Variants in FKBP5 observed in about 807,000 individuals in gnomAD.
FKBP5 encodes the protein FKBP prolyl isomerase 5, also known as peptidyl-prolyl cis-trans isomerase FKBP5.
FKBP5 carries 23 observed loss-of-function variants against 50.5 expected under a neutral mutation model. The ratio of observed to expected loss-of-function variants is 0.46; its 90% CI spans 0.33 to 0.65. The LOEUF (loss-of-function observed/expected upper bound fraction) is 0.65. Among genes scored for constraint, FKBP5 ranks in the 30% least tolerant of loss-of-function variants. The pLI, the probability that FKBP5 is intolerant of heterozygous loss-of-function variation, is 0.02. For synonymous variants in FKBP5, 176 were observed against 190.6 expected, an observed-to-expected ratio of 0.92 and a Z score of 0.63; for missense variants, 411 against 553.1, an observed-to-expected ratio of 0.74 and a Z score of 2.58.
intron 10 of FKBP5, 129 bp from the exon 11 acceptor site, chr6:35,576,071 G>T (rs943902064): frequency 4.2e-6 from 3 of 720,970 alleles, no homozygotes; most frequent in South Asian, 3.1e-5. Context: ...TATCTAGCTG[G>T]GTAGGTCAGG....
intron 3 of FKBP5, 69 bp from the exon 4 acceptor site, chr6:35,620,343 A>G (rs1763794577): frequency 6.5e-7 from 1 of 1,547,624 alleles, no homozygotes; most frequent in South Asian, 1.2e-5. Flanking sequence ...TCATAAAACC[A>G]AAGTTCTAAT....
chr6:35,688,524 G>A (rs1003740739), intron 1 of FKBP5, among the ~76,000 whole-genome samples: 15 of 151,478 alleles, frequency 9.9e-5, no homozygotes, highest in Admixed American at 2.6e-4. Context: ...GGAGAGCGGC[G>A]CCCGCGGTCA....
rs61139697 is a variant in FKBP5 at position 35,606,659 on chromosome 6, CAAAAAAAAAAAAAAAAAAAA to C, written c.509-9275_509-9256del. On this transcript the variant is annotated intron_variant, in intron 5 of 10. Transcript: ENST00000357266. ...TGGGCAACAGAATGAGACTCCGTCT[CAAAAAAAAAAAAAAAAAAAA>C]AAAAAAAAAAAAAAAAAGTCAAAAA... 8.6e-3 allele frequency among the ~76,000 whole-genome samples: 216 copies of C among 25,130 alleles called. 3 individuals carry two copies. Among genetic ancestry groups the C allele is most frequent in the Admixed American group, 0.028 (49 of 1,746 alleles). The allele number at this position is 25,130 out of a possible 152,430, so 16.5% of individuals were successfully genotyped here. A position where few individuals can be genotyped will look rare whatever the true frequency, so the allele number is the denominator to read the frequency against.
rs199875825 is a variant in FKBP5, at chr6:35,705,258, ATTTTTTTTTTTTTTTTTTTT to A, written c.-20+15050_-20+15069del. 1.5e-3 allele frequency among the ~76,000 whole-genome samples: 12 copies of A among 7,770 alleles called. No homozygotes were observed. In the East Asian group the frequency reaches 0.03, roughly 20 times the overall value. The allele number at this position is 7,770 out of a possible 152,430, so 5.1% of individuals were successfully genotyped here. ...TATATATATATATATATATATATAT[ATTTTTTTTTTTTTTTTTTTT>A]TTTTTGGAGACAGTGTCTCACTCTG... On this transcript the variant is annotated intron_variant, in intron 2 of 11. Transcript: ENST00000536438.
intron 6 of FKBP5, among the ~76,000 whole-genome samples, chr6:35,591,584 T>C (rs1762821457): frequency 6.6e-6 from 1 of 152,096 alleles, no homozygotes; most frequent in South Asian, 2.1e-4. Flanking sequence ...CCAGGAATTT[T>C]CCCCTAAGTT....
intron 3 of FKBP5, among the ~76,000 whole-genome samples, chr6:35,623,752 CTTTT>C (rs781042802): frequency 5.6e-5 from 8 of 142,056 alleles, no homozygotes; most frequent in African/African-American, 2.0e-4. Context: ...TTTTCTTCTT[CTTTT>C]TTTTTTTTTT....
intron 1 of FKBP5, among the ~76,000 whole-genome samples, chr6:35,663,831 G>A (rs1024742244): frequency 2.0e-5 from 3 of 152,190 alleles, no homozygotes; most frequent in Admixed American, 6.5e-5. Flanking sequence ...TTCCTCCAGT[G>A]TATTTATAGT....
chr6:35,576,898 G>A, intron 10 of FKBP5, 96 bp downstream of exon 10: 1 of 1,451,842 alleles, frequency 6.9e-7, no homozygotes, highest in Non-Finnish European at 9.4e-7. Flanking sequence ...CCCTGCTCTT[G>A]AGCCTCTTGG....
chr6:35,697,545 C>T (rs1357867721), intron 2 of FKBP5, among the ~76,000 whole-genome samples: 1 of 47,414 alleles, frequency 2.1e-5, no homozygotes, highest in Non-Finnish European at 3.9e-5. Flanking sequence ...GAAACTCTGT[C>T]TCAAAAAAAA....
intron 5 of FKBP5, among the ~76,000 whole-genome samples, chr6:35,601,471 A>C: frequency 6.6e-6 from 1 of 152,176 alleles, no homozygotes; most frequent in East Asian, 1.9e-4. Context: ...CCACGGAAAG[A>C]CTGCTGATTG....
intron 2 of FKBP5, among the ~76,000 whole-genome samples, chr6:35,715,996 T>C (rs1561908069): frequency 6.6e-6 from 1 of 152,034 alleles, no homozygotes; most frequent in Non-Finnish European, 1.5e-5. Flanking sequence ...ACCCATGCGA[T>C]ATGAGGACTG....
intron 1 of FKBP5, among the ~76,000 whole-genome samples, chr6:35,645,423 C>A (rs891515713): frequency 6.6e-6 from 1 of 152,000 alleles, no homozygotes; most frequent in African/African-American, 2.4e-5. Context: ...AAGGGTGAGA[C>A]CCCATCTCTT....
chr6:35,639,106 CAGAT>C (rs1764406579), intron 2 of FKBP5, among the ~76,000 whole-genome samples: 1 of 152,176 alleles, frequency 6.6e-6, no homozygotes. Context: ...TTATCTTCCT[CAGAT>C]AGTTACTGAA....
intron 6 of FKBP5, among the ~76,000 whole-genome samples, chr6:35,594,231 G>A (rs755255396): frequency 6.6e-6 from 1 of 151,916 alleles, no homozygotes; most frequent in Non-Finnish European, 1.5e-5. Context: ...GAGCACACCT[G>A]TAGTCCCAGC....
intron 3 of FKBP5, among the ~76,000 whole-genome samples, chr6:35,627,987 G>A (rs922990484): frequency 2.1e-5 from 3 of 144,520 alleles, no homozygotes; most frequent in Admixed American, 7.2e-5. Flanking sequence ...GGTCAGGGCT[G>A]GTCTTGAATT....
intron 4 of FKBP5, 152 bp downstream of exon 4, chr6:35,619,980 T>C: frequency 1.1e-6 from 1 of 938,446 alleles, no homozygotes; most frequent in Non-Finnish European, 1.6e-6. Context: ...CTTGGGTTTG[T>C]GGGAAACAAT....
intron 1 of FKBP5, among the ~76,000 whole-genome samples, chr6:35,671,606 A>C (rs1765389869): frequency 6.6e-6 from 1 of 152,138 alleles, no homozygotes; most frequent in South Asian, 2.1e-4. Flanking sequence ...CAGGGTAAAT[A>C]CCTAAAGAAG....
chr6:35,609,539 C>CGT (rs1763429245), intron 5 of FKBP5, among the ~76,000 whole-genome samples: 1 of 152,158 alleles, frequency 6.6e-6, no homozygotes, highest in Admixed American at 6.5e-5. Flanking sequence ...TCCTGGGTAC[C>CGT]ACTATCAACT....
chr6:35,667,986 T>C (rs1323172079), intron 1 of FKBP5, among the ~76,000 whole-genome samples: 3 of 151,994 alleles, frequency 2.0e-5, no homozygotes, highest in South Asian at 2.1e-4. Context: ...GTAACCTAAA[T>C]GTTAAATGAA....
Sources: gnomAD v4.1 joint callset for allele counts (sites outside exome capture counted in the v4.1 genomes callset) on GRCh38, gnomAD v4.1.1 for gene constraint, MANE v1.5 for transcripts, NCBI Gene and HGNC (gene_info 2026-07-23, HGNC 2026-07-21) for gene names.